Variants in GLT8D2 observed in about 807,000 individuals in gnomAD.
GLT8D2 encodes glycosyltransferase 8 domain-containing protein 2.
Under a neutral mutation model 44.5 loss-of-function variants are expected in GLT8D2, and 45 were observed. The observed-to-expected ratio is 1.01, with a 90% CI of 0.80 to 1.30. The LOEUF is 1.30. GLT8D2 is among the 50% of genes most tolerant of loss of function. The pLI is 0.00. For synonymous variants in GLT8D2, 156 were observed against 157.2 expected, an observed-to-expected ratio of 0.99 and a Z score of 0.06; for missense variants, 400 against 430.4, an observed-to-expected ratio of 0.93 and a Z score of 0.62.
At chr12:104,026,504 G>A (rs372856088) in intron 1 of GLT8D2, among the ~76,000 whole-genome samples, 2 of 151,974 alleles carry the variant, frequency 1.3e-5, no homozygotes, top group South Asian at 2.1e-4. Context: ...TTTGTTTCCC[G>A]GTTTTCCCAA....
chr12:104,036,686 G>A (rs1410644442), intron 1 of GLT8D2, among the ~76,000 whole-genome samples: 1 of 152,114 alleles, frequency 6.6e-6, no homozygotes, highest in Non-Finnish European at 1.5e-5. Flanking sequence ...CCTACAAAGA[G>A]ACTTAGACTC....
At chr12:104,016,767 GAA>G (rs781469356) in intron 3 of GLT8D2, among the ~76,000 whole-genome samples, 1 of 87,534 alleles carries the variant, frequency 1.1e-5, no homozygotes, top group Non-Finnish European at 2.3e-5. Flanking sequence ...AAGAAAGAAA[GAA>G]AGAAAGAAGG....
At chr12:104,059,254 G>A (rs1566218275) in intron 1 of GLT8D2, among the ~76,000 whole-genome samples, 1 of 152,066 alleles carries the variant, frequency 6.6e-6, no homozygotes, top group Non-Finnish European at 1.5e-5. Context: ...GGTATACATG[G>A]ACTTCAGGAT....
intron 6 of GLT8D2, 140 bp from the exon 7 acceptor site, chr12:103,997,675 T>C (rs111926750): frequency 6.3e-6 from 4 of 630,992 alleles, no homozygotes; most frequent in African/African-American, 5.5e-5. Context: ...GCTAGCAAGA[T>C]GTCTCATCTG....
At chr12:104,003,110 C>T (rs759443975) in intron 5 of GLT8D2, 25 bp downstream of exon 5, 75 of 1,593,594 alleles carry the variant, frequency 4.7e-5, no homozygotes, top group Non-Finnish European at 5.9e-5. Context: ...ACAGAAAGTG[C>T]CAAAGTCTGT....
intron 1 of GLT8D2, among the ~76,000 whole-genome samples, chr12:104,044,708 C>T (rs1305895232): frequency 1.3e-5 from 2 of 152,256 alleles, no homozygotes; most frequent in African/African-American, 2.4e-5. Flanking sequence ...CAATCCATCA[C>T]TGGCCTAACG....
chr12:104,047,298 C>T (rs1593573438), intron 1 of GLT8D2, among the ~76,000 whole-genome samples: 2 of 140,378 alleles, frequency 1.4e-5, no homozygotes, highest in African/African-American at 2.6e-5. Context: ...AACCAGCTCT[C>T]TTAGGCCTTT....
At chr12:104,008,849 G>A (rs1163074681) in intron 4 of GLT8D2, among the ~76,000 whole-genome samples, 1 of 152,256 alleles carries the variant, frequency 6.6e-6, no homozygotes, top group African/African-American at 2.4e-5. Flanking sequence ...GGCTTCAGAG[G>A]GTGCAAGCCC....
intron 10 of GLT8D2, among the ~76,000 whole-genome samples, chr12:103,992,187 T>C (rs1300817905): frequency 1.3e-5 from 2 of 152,222 alleles, no homozygotes; most frequent in African/African-American, 2.4e-5. Flanking sequence ...TATGCTAGGC[T>C]CTATGCTAAG....
intron 1 of GLT8D2, among the ~76,000 whole-genome samples, chr12:104,059,433 T>C (rs1593581141): frequency 6.6e-6 from 1 of 152,276 alleles, no homozygotes; most frequent in East Asian, 1.9e-4. Flanking sequence ...GCTCCAGTTC[T>C]AGCCATTACA....
At chr12:104,014,034 T>G (rs919239582) in intron 4 of GLT8D2, among the ~76,000 whole-genome samples, 2 of 152,158 alleles carry the variant, frequency 1.3e-5, no homozygotes. Context: ...TGAGCCACCA[T>G]CGCCAGCCCG....
intron 4 of GLT8D2, chr12:104,014,470 C>G: frequency 1.8e-6 from 1 of 570,456 alleles, no homozygotes; most frequent in South Asian, 2.3e-5. Flanking sequence ...AATTCACCCC[C>G]GAGGAGGGAA....
chr12:103,996,912 A>G lies in GLT8D2; in HGVS notation c.488-65T>C, dbSNP rs1873506827. Reference sequence around the variant, plus strand: ...TTGTTTTTGGGCTAGATAGAGCCTTAGAGCTTAAACAGCTCTTGATTTTGC... The same window carrying G: ...TTGTTTTTGGGCTAGATAGAGCCTTGGAGCTTAAACAGCTCTTGATTTTGC... On this transcript the variant is annotated intron_variant, in intron 7 of 10. Transcript: ENST00000360814. 3 of 1,126,918 alleles carry G rather than the reference A, an allele frequency of 2.7e-6. No homozygotes were observed. In the Admixed American group the frequency reaches 6.0e-5, roughly 22 times the overall value. The allele number at this position is 1,126,918 out of a possible 1,614,324, so 69.8% of individuals were successfully genotyped here.
At chr12:104,022,157 G>T (rs1224522077) in intron 1 of GLT8D2, among the ~76,000 whole-genome samples, 1 of 152,106 alleles carries the variant, frequency 6.6e-6, no homozygotes, top group East Asian at 1.9e-4. Context: ...TATTTGTCGT[G>T]TGTCTTTTTG....
intron 10 of GLT8D2, among the ~76,000 whole-genome samples, chr12:103,992,155 G>GA (rs1406069419): frequency 6.6e-6 from 1 of 152,208 alleles, no homozygotes; most frequent in East Asian, 1.9e-4. Flanking sequence ...CCATGTGTTA[G>GA]AGTGGATGTG....
chr12:103,997,914 T>TCCACACACACAC (rs1873672033), intron 6 of GLT8D2, among the ~76,000 whole-genome samples: 1 of 146,056 alleles, frequency 6.8e-6, no homozygotes, highest in Non-Finnish European at 1.5e-5. Context: ...CAGCCTTAAA[T>TCCACACACACAC]ACACACACAC....
intron 3 of GLT8D2, among the ~76,000 whole-genome samples, chr12:104,016,717 AAGAAAG>A (rs775534744): frequency 5.1e-4 from 21 of 41,234 alleles, no homozygotes; most frequent in Admixed American, 7.8e-4. Flanking sequence ...GAGAGAAAGA[AAGAAAG>A]AAAGAAAGAA....
chr12:103,989,367 C>A lies in GLT8D2; in HGVS notation c.*41G>T. The A allele has an allele frequency of 6.7e-7, 1 of 1,490,116 alleles. No homozygotes were observed. The highest frequency in any genetic ancestry group is 9.1e-7 in the Non-Finnish European group (1 of 1,097,570). The allele number at this position is 1,490,116 out of a possible 1,614,324, so 92.3% of individuals were successfully genotyped here. A position where few individuals can be genotyped will look rare whatever the true frequency, so the allele number is the denominator to read the frequency against. The stretch of plus-strand genomic sequence containing the variant: ...TATAGTTGGCTACAAAGGGACAATT[C>A]CACATTTCTATACAGGGAATATTTT... On this transcript the variant is annotated 3_prime_UTR_variant, in exon 11 of 11. Transcript: ENST00000360814.
Position 103,993,415 on chromosome 12 carries a change from G to C in GLT8D2, c.857C>G (p.Pro286Arg). The C allele has an allele frequency of 6.2e-7, 1 of 1,613,558 alleles. No homozygotes were observed. Among genetic ancestry groups the C allele is most frequent in the East Asian group, 2.2e-5 (1 of 44,872 alleles). The change falls in exon 10 of 11, where the codon CCC (proline) becomes CGC (arginine). Residue 286 changes from proline (P) to arginine (R), a missense_variant. Pro to Arg is a moderately radical substitution (Grantham distance 103). Transcript: ENST00000360814. ...ACCCAGGTGCCTTATGTGCCACAGGGGGTTAATTGTGGAATATTTCCCATG... is the reference window on the plus strand; with the variant it reads ...ACCCAGGTGCCTTATGTGCCACAGGCGGTTAATTGTGGAATATTTCCCATG... ...VFHGKYSTIN[P>R]LWHIRHLGWN...
Sources: gnomAD v4.1 joint callset for allele counts (sites outside exome capture counted in the v4.1 genomes callset) on GRCh38, gnomAD v4.1.1 for gene constraint, MANE v1.5 for transcripts, NCBI Gene and HGNC (gene_info 2026-07-23, HGNC 2026-07-21) for gene names.